The following KALRN variants were observed in gnomAD, a reference collection of about 807,000 sequenced individuals.
KALRN encodes the protein kalirin.
In KALRN, 70 loss-of-function variants were observed where a neutral mutation model predicts 353.7. That is an observed-to-expected ratio of 0.20 (90% confidence interval 0.16 to 0.24). KALRN has a LOEUF of 0.24. Among genes scored for constraint, KALRN ranks in the 10% least tolerant of loss-of-function variants. The pLI is 1.00. For missense variants in KALRN, 2,791 were observed against 3,756.7 expected, an observed-to-expected ratio of 0.74 and a Z score of 6.72; for synonymous variants, 1,391 against 1,434.8, an observed-to-expected ratio of 0.97 and a Z score of 0.69.
chr3:124,701,909 C>A, intron 56 of KALRN, 129 bp from the exon 57 acceptor site: 1 of 628,782 alleles, frequency 1.6e-6, no homozygotes, highest in Non-Finnish European at 2.8e-6. Context: ...TGGCATTTTC[C>A]CACTGAGTCA....
At chr3:124,602,025 CA>C (rs3058058) in intron 34 of KALRN, among the ~76,000 whole-genome samples, 3,915 of 133,124 alleles carry the variant, frequency 0.029, 74 homozygotes, top group Non-Finnish European at 0.047. Context: ...GACTCTGTCT[CA>C]AAAAAAAAAA....
chr3:124,457,130 C>T (rs909153424), intron 23 of KALRN, among the ~76,000 whole-genome samples: 1 of 152,088 alleles, frequency 6.6e-6, no homozygotes, highest in Admixed American at 6.5e-5. Flanking sequence ...AATGCAGTGG[C>T]ATGATCTCAG....
chr3:124,377,244 A>G (rs977487556), intron 10 of KALRN, among the ~76,000 whole-genome samples: 8 of 152,184 alleles, frequency 5.3e-5, no homozygotes, highest in Non-Finnish European at 1.5e-5. Flanking sequence ...TCGATAAAGA[A>G]CCTAACACAA....
intron 1 of KALRN, chr3:124,152,077 C>A (rs903703111): frequency 3.7e-5 from 48 of 1,289,612 alleles, no homozygotes; most frequent in Non-Finnish European, 5.1e-5. Flanking sequence ...ATTTAAAGGG[C>A]CACAGGAAGT....
chr3:124,095,247 A>G (rs899684972), intron 1 of KALRN, among the ~76,000 whole-genome samples: 1 of 152,198 alleles, frequency 6.6e-6, no homozygotes, highest in African/African-American at 2.4e-5. Context: ...TCTGAGAAGC[A>G]GTGCAGAAGG....
At chr3:124,336,665 A>G (rs770502076) in intron 9 of KALRN, among the ~76,000 whole-genome samples, 8 of 152,296 alleles carry the variant, frequency 5.3e-5, no homozygotes, top group Middle Eastern at 3.4e-3. Flanking sequence ...AGCTAAGAAA[A>G]AGTATAAAAC....
chr3:124,520,627 G>T (rs1035829640), intron 33 of KALRN, among the ~76,000 whole-genome samples: 2 of 152,284 alleles, frequency 1.3e-5, no homozygotes, highest in Non-Finnish European at 2.9e-5. Flanking sequence ...GTGCCAGAAA[G>T]GTTGGGGACC....
intron 1 of KALRN, among the ~76,000 whole-genome samples, chr3:124,037,251 T>C (rs2039511032): frequency 6.6e-6 from 1 of 152,260 alleles, no homozygotes; most frequent in Non-Finnish European, 1.5e-5. Flanking sequence ...CAATTAGAGA[T>C]TTATTGCTAA....
chr3:124,701,301 C>T (rs779207670), intron 56 of KALRN, among the ~76,000 whole-genome samples: 9 of 152,044 alleles, frequency 5.9e-5, no homozygotes, highest in Admixed American at 3.3e-4. Context: ...GTGGGTTAAG[C>T]TAAATCCTTC....
Position 124,586,804 on chromosome 3 carries a change from G to A in KALRN, c.5182+23715G>A, listed in dbSNP as rs1333100216. Among the ~76,000 whole-genome samples the A allele has an allele frequency of 3.3e-5, 5 of 152,300 alleles. No individual in the cohort carries two copies. The East Asian group carries it at 9.7e-4, about 29-fold the overall frequency. ...CTCCCCTAGATCTGAAATGTGTGAA[G>A]ATGAAAAACGGGCTCATCAGAGGAC... On this transcript the variant is annotated intron_variant, in intron 34 of 59. Coordinates refer to ENST00000682506, the MANE Select transcript of KALRN (RefSeq NM_001388419.1).
At chr3:124,215,665 G>A (rs550742626) in intron 1 of KALRN, among the ~76,000 whole-genome samples, 1 of 152,244 alleles carries the variant, frequency 6.6e-6, no homozygotes, top group Admixed American at 6.5e-5. Flanking sequence ...CTGTCTAAGG[G>A]CACACAGCTA....
At chr3:124,601,576 A>C (rs906460099) in intron 34 of KALRN, among the ~76,000 whole-genome samples, 1 of 152,168 alleles carries the variant, frequency 6.6e-6, no homozygotes, top group African/African-American at 2.4e-5. Flanking sequence ...ATTCTTAAGT[A>C]ATTCTTCAAC....
chr3:124,655,759 A>G (rs549147562), intron 39 of KALRN, 92 bp downstream of exon 39: 3 of 858,692 alleles, frequency 3.5e-6, no homozygotes, highest in South Asian at 1.4e-5. Context: ...TGATGGTTAC[A>G]TGTACTTTAC....
chr3:124,311,832 C>CA (rs1158509181), intron 6 of KALRN, among the ~76,000 whole-genome samples: 1 of 152,172 alleles, frequency 6.6e-6, no homozygotes, highest in East Asian at 1.9e-4. Context: ...AAAGGAATGA[C>CA]ATGCTGACAT....
At chr3:124,353,411 T>TA (rs1218345070) in intron 10 of KALRN, among the ~76,000 whole-genome samples, 1 of 152,192 alleles carries the variant, frequency 6.6e-6, no homozygotes, top group South Asian at 2.1e-4. Context: ...TGTGAAAAGT[T>TA]AGAGTTCCAC....
At position 124,196,055 on chromosome 3, in the gene KALRN, G is replaced by A. The variant is rs77316013; in HGVS notation, c.74-31935G>A. Among the ~76,000 whole-genome samples, 585 of 152,216 alleles carry A rather than the reference G, an allele frequency of 3.8e-3. 5 individuals carry two copies. Among genetic ancestry groups the A allele is most frequent in the African/African-American group, 0.013 (529 of 41,530 alleles). On this transcript the variant is annotated intron_variant, in intron 1 of 59. Coordinates refer to ENST00000682506, the MANE Select transcript of KALRN (RefSeq NM_001388419.1). ...ATGGGAAAGGATTAGGGTGTTTTCCGTGACCCCACTTGTCTTAATTGAGAA... is the reference window on the plus strand; with the variant it reads ...ATGGGAAAGGATTAGGGTGTTTTCCATGACCCCACTTGTCTTAATTGAGAA...
At chr3:124,700,473 T>C (rs1338947356) in intron 56 of KALRN, among the ~76,000 whole-genome samples, 1 of 152,226 alleles carries the variant, frequency 6.6e-6, no homozygotes, top group Non-Finnish European at 1.5e-5. Context: ...GATTTCATAG[T>C]TTCCTCACCC....
intron 33 of KALRN, among the ~76,000 whole-genome samples, chr3:124,515,929 T>C (rs1426874318): frequency 1.3e-5 from 2 of 152,222 alleles, no homozygotes; most frequent in Non-Finnish European, 2.9e-5. Context: ...TGTGTATGTA[T>C]TTTCTCAGGG....
intron 10 of KALRN, among the ~76,000 whole-genome samples, chr3:124,372,895 C>T (rs1361247572): frequency 3.5e-5 from 2 of 56,842 alleles, no homozygotes; most frequent in African/African-American, 1.6e-4. Flanking sequence ...TGAGCCCTTC[C>T]CTTGGATGAG....
Sources: allele counts gnomAD v4.1 joint callset (sites outside exome capture counted in the v4.1 genomes callset), GRCh38; gene constraint gnomAD v4.1.1; transcripts MANE v1.5; gene names NCBI Gene and HGNC (gene_info 2026-07-23, HGNC 2026-07-21).